Variants in BSN observed in about 807,000 individuals in gnomAD.
BSN encodes protein bassoon.
Under a neutral mutation model 264.8 loss-of-function variants are expected in BSN, and 57 were observed. That is an observed-to-expected ratio of 0.22 (90% CI 0.17 to 0.27). The LOEUF is 0.27. Ranked by LOEUF, BSN falls within the 10% of genes least tolerant of loss-of-function variation. The pLI is 1.00. For missense variants in BSN, 4,615 were observed against 5,232.5 expected (o/e 0.88, Z 3.64); for synonymous variants, 2,059 against 2,137.3 (o/e 0.96, Z 1.01).
chr3:49,639,697 C>T (rs1052984854), intron 2 of BSN, among the ~76,000 whole-genome samples: 1 of 152,334 alleles, frequency 6.6e-6, no homozygotes, highest in African/African-American at 2.4e-5. Flanking sequence ...CAGAAGGCAC[C>T]AGGCTCCAGG....
At position 49,668,189 on chromosome 3, in the gene BSN, C is replaced by G. The variant is rs754915838; in HGVS notation, c.*704C>G. On this transcript the variant is annotated 3_prime_UTR_variant, in exon 12 of 12. Coordinates refer to ENST00000296452, the MANE Select transcript of BSN (RefSeq NM_003458.4). ...CCATAGCACCGAAAAGCAGCGTGGG[C>G]GCCGGCTGAGGCTTCTCCCAGCCCG... The G allele has an allele frequency of 6.6e-6, 1 of 152,588 alleles. No individual in the cohort carries two copies. The highest frequency in any genetic ancestry group is 2.4e-5 in the African/African-American group (1 of 41,430). The allele number at this position is 152,588 out of a possible 1,614,324, so 9.5% of individuals were successfully genotyped here.
rs775862879 is a variant in BSN, at chr3:49,653,145, C to T, written c.3589C>T (p.Leu1197=). 1 of 1,613,126 alleles carries T rather than the reference C, an allele frequency of 6.2e-7. No homozygotes were observed. Among genetic ancestry groups the T allele is most frequent in the Non-Finnish European group, 8.5e-7 (1 of 1,179,882 alleles). Residue 1197 remains leucine (L), a synonymous_variant, in exon 5 of 12, where the codon CTG becomes TTG. Transcript: ENST00000296452. The surrounding 1 kb of genome is among the most constrained non-coding windows in gnomAD (Gnocchi z 6.3). Reference sequence around the variant, plus strand: ...TGAGGAGATGATGCGCAAAGCTGAGCTGCTCCAGAGGCAGCAAGGCCAGGC... The same window carrying T: ...TGAGGAGATGATGCGCAAAGCTGAGTTGCTCCAGAGGCAGCAAGGCCAGGC... ...AYEEMMRKAE[L]LQRQQGQAAG...
At position 49,650,801 on chromosome 3, in the gene BSN, G is replaced by GCCAAGGCCAGCCCTCTATCCA. The variant is rs1388982506; in HGVS notation, c.1725_1745dup (p.Ser576_Leu582dup). On this transcript the variant is annotated inframe_insertion, in exon 4 of 12. Transcript: ENST00000296452. Reference sequence around the variant, plus strand: ...GGGCCAGCCTTCAGGCCCCCTGCCTGCCAAGGCCAGCCCTCTATCCACCAA... The same window carrying GCCAAGGCCAGCCCTCTATCCA: ...GGGCCAGCCTTCAGGCCCCCTGCCTGCCAAGGCCAGCCCTCTATCCACCAAGGCCAGCCCTCTATCCACCAA... 1 of 1,613,912 alleles carries GCCAAGGCCAGCCCTCTATCCA rather than the reference G, an allele frequency of 6.2e-7. No individual in the cohort carries two copies. The highest frequency in any genetic ancestry group is 1.1e-5 in the South Asian group (1 of 91,078).
Position 49,638,469 on chromosome 3 carries a change from G to A in BSN, c.634-3799G>A, listed in dbSNP as rs932266200. 2.6e-5 allele frequency among the ~76,000 whole-genome samples: 4 copies of A among 152,176 alleles called. No homozygotes were observed. The highest frequency in any genetic ancestry group is 1.5e-5 in the Non-Finnish European group (1 of 68,026). On this transcript the variant is annotated intron_variant, in intron 2 of 11. Transcript: ENST00000296452. The surrounding 1 kb of genome is among the most constrained non-coding windows in gnomAD (Gnocchi z 4.3). ...TGGGGATCTGTCGGGGAGGCAGAGA[G>A]GGGGATGTATTGCTGGCCTCAGAGA...
Position 49,657,238 on chromosome 3 carries a change from G to T in BSN, c.7682G>T (p.Arg2561Leu), listed in dbSNP as rs753587578. The T allele has an allele frequency of 6.2e-7, 1 of 1,613,500 alleles. No homozygotes were observed. The highest frequency in any genetic ancestry group is 8.5e-7 in the Non-Finnish European group (1 of 1,180,038). ...SGIKKRHSMP[R>L]LRDACELESG... is the part of the protein sequence containing the mutation. ...ATCAAGAAGCGGCACTCCATGCCAC[G>T]CCTGCGGGATGCCTGTGAGCTAGAG... Residue 2561 changes from arginine (R) to leucine (L), a missense_variant, in exon 5 of 12, where the codon CGC becomes CTC. Coordinates refer to ENST00000296452, the MANE Select transcript of BSN (RefSeq NM_003458.4).
intron 3 of BSN, among the ~76,000 whole-genome samples, chr3:49,647,496 A>G (rs2052510025): frequency 6.6e-6 from 1 of 152,178 alleles, no homozygotes; most frequent in Non-Finnish European, 1.5e-5. Flanking sequence ...TTTGTCAAAG[A>G]GGCCAGGCGA....
intron 1 of BSN, among the ~76,000 whole-genome samples, chr3:49,570,174 A>G (rs2051784778): frequency 6.6e-6 from 1 of 152,160 alleles, no homozygotes. Context: ...TTTGCAAATG[A>G]TGGTACTTAG....
Position 49,642,846 on chromosome 3 carries a change from C to T in BSN, c.1212C>T (p.Pro404=), listed in dbSNP as rs759406417. The T allele has an allele frequency of 2.8e-5, 45 of 1,613,226 alleles. No individual in the cohort carries two copies. The Middle Eastern group carries it at 1.5e-3, about 53-fold the overall frequency. ...EAGPKPLGSG[P]GPGPAPGAKT... ...GCCCAAAACCCTTGGGCTCAGGGCC[C>T]GGGCCTGGGCCAGCACCTGGAGCCA... is the stretch of plus-strand genomic sequence containing the variant. Residue 404 remains proline (P), a synonymous_variant, in exon 3 of 12, where the codon CCC becomes CCT. Transcript: ENST00000296452. This position sits in a 1 kb window ranked among gnomAD's most constrained non-coding sequence, Gnocchi z 7.0.
At chr3:49,664,620 G>A in intron 9 of BSN, 66 bp downstream of exon 9, 1 of 1,547,232 alleles carries the variant, frequency 6.5e-7, no homozygotes, top group Non-Finnish European at 8.7e-7. Flanking sequence ...TCTGTGAGAT[G>A]ATTCCAGACT....
At chr3:49,593,386 A>T (rs1559600081) in intron 1 of BSN, among the ~76,000 whole-genome samples, 1 of 152,242 alleles carries the variant, frequency 6.6e-6, no homozygotes, top group Non-Finnish European at 1.5e-5. Context: ...TTGTGCAAAC[A>T]CAAGTCTTCA....
At chr3:49,597,810 T>G (rs2052037770) in intron 1 of BSN, among the ~76,000 whole-genome samples, 1 of 151,938 alleles carries the variant, frequency 6.6e-6, no homozygotes, top group Non-Finnish European at 1.5e-5. Context: ...ACCCAGCTAA[T>G]TTTTTGTATT....
chr3:49,572,948 A>G (rs908174560), intron 1 of BSN, among the ~76,000 whole-genome samples: 1 of 152,114 alleles, frequency 6.6e-6, no homozygotes, highest in Non-Finnish European at 1.5e-5. Context: ...ACTCTCAGGT[A>G]CTCCGAGACT....
chr3:49,593,735 T>G (rs2051997573), intron 1 of BSN, among the ~76,000 whole-genome samples: 1 of 151,788 alleles, frequency 6.6e-6, no homozygotes, highest in Non-Finnish European at 1.5e-5. Flanking sequence ...AATTTTTTTC[T>G]TCTGTTGAGT....
Position 49,642,723 on chromosome 3 carries a change from C to G in BSN, c.1089C>G (p.Thr363=), listed in dbSNP as rs765555886. 1.2e-6 allele frequency: 2 copies of G among 1,613,410 alleles called. No individual in the cohort carries two copies. Among genetic ancestry groups the G allele is most frequent in the African/African-American group, 1.3e-5 (1 of 74,942 alleles). The change falls in exon 3 of 12, where the codon ACC becomes ACG. Residue 363 remains threonine (T), a synonymous_variant. Transcript: ENST00000296452. The surrounding 1 kb of genome is among the most constrained non-coding windows in gnomAD (Gnocchi z 7.0). ...LGASLLTQAS[T]LMSVQPEADT... is the part of the protein sequence containing the mutation. Reference sequence around the variant, plus strand: ...CGTCACTGCTAACCCAGGCGAGCACCCTCATGTCTGTGCAGCCCGAGGCTG... The same window carrying G: ...CGTCACTGCTAACCCAGGCGAGCACGCTCATGTCTGTGCAGCCCGAGGCTG...
At position 49,634,994 on chromosome 3, in the gene BSN, G is replaced by A. The variant is rs995724126; in HGVS notation, c.634-7274G>A. On this transcript the variant is annotated intron_variant, in intron 2 of 11. Coordinates refer to ENST00000296452, the MANE Select transcript of BSN (RefSeq NM_003458.4). Reference sequence around the variant, plus strand: ...GGCAGAGGGGGCTGAGGCTGAGGCTGGGGTAGTGGTGATGATGACTGCGAA... The same window carrying A: ...GGCAGAGGGGGCTGAGGCTGAGGCTAGGGTAGTGGTGATGATGACTGCGAA... Among the ~76,000 whole-genome samples the A allele has an allele frequency of 2.6e-5, 4 of 152,146 alleles. No individual in the cohort carries two copies. In the East Asian group the frequency reaches 5.8e-4, roughly 22 times the overall value.
At chr3:49,588,217 C>T (rs1575430234) in intron 1 of BSN, among the ~76,000 whole-genome samples, 1 of 152,074 alleles carries the variant, frequency 6.6e-6, no homozygotes, top group Admixed American at 6.6e-5. Context: ...CCACTGCACC[C>T]GGCCGGGATT....
chr3:49,583,220 C>T (rs1374684947), intron 1 of BSN, among the ~76,000 whole-genome samples: 1 of 152,020 alleles, frequency 6.6e-6, no homozygotes, highest in South Asian at 2.1e-4. Flanking sequence ...TTGCCCACCT[C>T]GGCCTCCCAA....
intron 2 of BSN, among the ~76,000 whole-genome samples, chr3:49,626,932 A>C (rs377411637): frequency 6.6e-6 from 1 of 152,198 alleles, no homozygotes; most frequent in South Asian, 2.1e-4. Flanking sequence ...AGGACCTTCA[A>C]TGAGGTGGGA....
chr3:49,568,557 C>A (rs1443864799), intron 1 of BSN, among the ~76,000 whole-genome samples: 1 of 152,132 alleles, frequency 6.6e-6, no homozygotes, highest in Non-Finnish European at 1.5e-5. Flanking sequence ...TAAAAGGTAG[C>A]AGACTCTAAG....
Sources: allele counts gnomAD v4.1 joint callset (sites outside exome capture counted in the v4.1 genomes callset), GRCh38; gene constraint gnomAD v4.1.1; non-coding constraint Gnocchi (gnomAD v3.1); transcripts MANE v1.5; gene names NCBI Gene and HGNC (gene_info 2026-07-23, HGNC 2026-07-21).